The following GALNT13 variants were observed in gnomAD, a reference collection of about 807,000 sequenced individuals.
GALNT13 encodes polypeptide N-acetylgalactosaminyltransferase 13.
Under a neutral mutation model 64.2 loss-of-function variants are expected in GALNT13, and 28 were observed. The observed-to-expected ratio is 0.44, with a 90% CI of 0.32 to 0.60. GALNT13 has a LOEUF of 0.60. Among genes scored for constraint, GALNT13 ranks in the 20% least tolerant of loss-of-function variants. The pLI is 0.05. For synonymous variants in GALNT13, 214 were observed against 224.6 expected, an observed-to-expected ratio of 0.95 and a Z score of 0.42; for missense variants, 577 against 669.8, an observed-to-expected ratio of 0.86 and a Z score of 1.53.
intron 3 of GALNT13, among the ~76,000 whole-genome samples, chr2:154,110,382 G>A (rs868356183): frequency 7.5e-6 from 1 of 133,112 alleles, no homozygotes; most frequent in Non-Finnish European, 1.6e-5. Context: ...GAGAGACAGA[G>A]AGAGAGAGAG....
intron 10 of GALNT13, among the ~76,000 whole-genome samples, chr2:154,402,229 A>C (rs1699332485): frequency 6.6e-6 from 1 of 152,162 alleles, no homozygotes; most frequent in Admixed American, 6.5e-5. Flanking sequence ...TTTAAAACGG[A>C]AAGATTGGTG....
At chr2:153,071,746 C>T in the GALNT13 span, among the ~76,000 whole-genome samples, 1 of 152,228 alleles carries the variant, frequency 6.6e-6, no homozygotes, top group Non-Finnish European at 1.5e-5. Flanking sequence ...AACTGTGGCT[C>T]TTGAGCCAAA....
the GALNT13 span, among the ~76,000 whole-genome samples, chr2:153,113,858 G>A: frequency 6.6e-6 from 1 of 151,970 alleles, no homozygotes; most frequent in South Asian, 2.1e-4. Flanking sequence ...TTTGTTCGTG[G>A]CCACTTTGGT....
chr2:154,214,527 G>T (rs762435169), intron 4 of GALNT13, among the ~76,000 whole-genome samples: 39 of 151,996 alleles, frequency 2.6e-4, no homozygotes, highest in Non-Finnish European at 4.7e-4. Flanking sequence ...TAATCCCCAC[G>T]TGTTAAGGGT....
At chr2:154,392,472 G>A (rs1161817523) in intron 9 of GALNT13, among the ~76,000 whole-genome samples, 1 of 152,090 alleles carries the variant, frequency 6.6e-6, no homozygotes, top group African/African-American at 2.4e-5. Context: ...TATATTATCT[G>A]GTTGGTTTCC....
chr2:154,030,659 G>C (rs1399150662), intron 3 of GALNT13, among the ~76,000 whole-genome samples: 1 of 152,046 alleles, frequency 6.6e-6, no homozygotes, highest in Non-Finnish European at 1.5e-5. Context: ...GGCAGTTATT[G>C]GATCATGGGT....
the GALNT13 span, among the ~76,000 whole-genome samples, chr2:153,157,538 A>G: frequency 6.6e-6 from 1 of 152,168 alleles, no homozygotes; most frequent in Non-Finnish European, 1.5e-5. Context: ...TTTTGATCAG[A>G]AAGTCATTGG....
intron 4 of GALNT13, among the ~76,000 whole-genome samples, chr2:154,178,248 AT>A: frequency 6.6e-6 from 1 of 152,206 alleles, no homozygotes; most frequent in East Asian, 1.9e-4. Context: ...GCTATGCCAA[AT>A]TGTTTCTGGT....
the GALNT13 span, among the ~76,000 whole-genome samples, chr2:153,411,175 A>ATT: frequency 2.2e-5 from 2 of 90,694 alleles, no homozygotes; most frequent in Non-Finnish European, 2.3e-5. Flanking sequence ...ATATATATAT[A>ATT]TATATTTTTT....
chr2:153,516,517 G>T, the GALNT13 span, among the ~76,000 whole-genome samples: 2 of 152,080 alleles, frequency 1.3e-5, no homozygotes, highest in Non-Finnish European at 2.9e-5. Context: ...GTTTTGGGGA[G>T]ATTACAAGTT....
the GALNT13 span, among the ~76,000 whole-genome samples, chr2:153,860,257 C>G: frequency 6.6e-6 from 1 of 152,180 alleles, no homozygotes; most frequent in Non-Finnish European, 1.5e-5. Context: ...AAGTTACTAT[C>G]AAAGTGCTTT....
chr2:154,448,106 AGAT>A (rs2105501540), intron 12 of GALNT13, among the ~76,000 whole-genome samples: 1 of 152,156 alleles, frequency 6.6e-6, no homozygotes, highest in South Asian at 2.1e-4. Flanking sequence ...TCCTCACAGA[AGAT>A]GATGTTTCCT....
the GALNT13 span, among the ~76,000 whole-genome samples, chr2:153,574,568 T>G: frequency 1.3e-5 from 2 of 152,160 alleles, no homozygotes; most frequent in African/African-American, 4.8e-5. Context: ...CTCCTATGTG[T>G]ATTTGAAAAT....
chr2:153,490,545 A>G, the GALNT13 span, among the ~76,000 whole-genome samples: 1 of 152,132 alleles, frequency 6.6e-6, no homozygotes, highest in African/African-American at 2.4e-5. Context: ...ACTCCTGGCT[A>G]ATTTTTGTAT....
At chr2:154,126,862 TACCACAGTAC>T (rs1356339450) in intron 3 of GALNT13, among the ~76,000 whole-genome samples, 2 of 151,934 alleles carry the variant, frequency 1.3e-5, no homozygotes, top group Middle Eastern at 6.8e-3. Flanking sequence ...GTGCATGAAA[TACCACAGTAC>T]ATGGGAAAAA....
chr2:153,459,686 A>G, the GALNT13 span, among the ~76,000 whole-genome samples: 4 of 152,164 alleles, frequency 2.6e-5, no homozygotes, highest in Admixed American at 6.5e-5. Context: ...AAATACACAT[A>G]AGAACTTTCT....
intron 3 of GALNT13, among the ~76,000 whole-genome samples, chr2:154,011,889 TA>T (rs1337397329): frequency 2.0e-5 from 3 of 152,230 alleles, no homozygotes; most frequent in African/African-American, 4.8e-5. Flanking sequence ...CAACTTCTGA[TA>T]TTTTTAATTT....
the GALNT13 span, chr2:153,478,736 C>A: frequency 1.6e-6 from 1 of 611,442 alleles, no homozygotes; most frequent in African/African-American, 1.9e-5. Flanking sequence ...GGAGCCTCTC[C>A]GACGCGCGCA....
the GALNT13 span, among the ~76,000 whole-genome samples, chr2:153,403,758 A>G: frequency 6.6e-6 from 1 of 152,138 alleles, no homozygotes; most frequent in Non-Finnish European, 1.5e-5. Context: ...GCGCTTCCCA[A>G]GTGAGGCAAT....
Sources: allele counts gnomAD v4.1 joint callset (sites outside exome capture counted in the v4.1 genomes callset), GRCh38; gene constraint gnomAD v4.1.1; transcripts MANE v1.5; gene names NCBI Gene and HGNC (gene_info 2026-07-23, HGNC 2026-07-21).